Variants in TMC1 observed in about 807,000 individuals in gnomAD.
TMC1 encodes the protein transmembrane channel-like protein 1.
In TMC1, 84 loss-of-function variants were observed where a neutral mutation model predicts 105.8. The observed-to-expected ratio is 0.79, with a 90% CI of 0.67 to 0.95. TMC1 has a LOEUF of 0.95. Ranked by LOEUF, TMC1 falls within the 40% of genes least tolerant of loss-of-function variation. The pLI, the probability that TMC1 is intolerant of heterozygous loss-of-function variation, is 0.00. For missense variants in TMC1, 817 were observed against 914.1 expected, an observed-to-expected ratio of 0.89 and a Z score of 1.37; for synonymous variants, 315 against 311.5, an observed-to-expected ratio of 1.01 and a Z score of -0.12.
chr9:72,542,804 C>T (rs1823700658), intron 1 of TMC1, among the ~76,000 whole-genome samples: 1 of 151,954 alleles, frequency 6.6e-6, no homozygotes, highest in Middle Eastern at 3.4e-3. Flanking sequence ...CTCAGCCTCC[C>T]GAGTAGGTGG....
intron 1 of TMC1, among the ~76,000 whole-genome samples, chr9:72,577,284 A>G (rs1457826630): frequency 1.3e-5 from 2 of 152,134 alleles, no homozygotes; most frequent in East Asian, 3.9e-4. Flanking sequence ...AAATTCTTTA[A>G]TCACTCTGCG....
chr9:72,806,151 G>A (rs530748478), intron 18 of TMC1, among the ~76,000 whole-genome samples: 94 of 150,982 alleles, frequency 6.2e-4, no homozygotes, highest in African/African-American at 2.1e-3. Flanking sequence ...CCTCCCGGGC[G>A]GGGCGGCTGG....
At chr9:72,826,796 A>G (rs995696481) in intron 20 of TMC1, 73 bp from the exon 21 acceptor site, 2 of 1,510,838 alleles carry the variant, frequency 1.3e-6, no homozygotes, top group African/African-American at 2.7e-5. Context: ...AAAGATTTCC[A>G]GTTTTCTTGC....
chr9:72,608,730 C>T lies in TMC1; in HGVS notation c.-305-7638C>T, dbSNP rs1824969452. ...AAAAAAAAAAAAAAAGTAAGTTTTG[C>T]AATTAGGAGACATGCCTATAATGTT... is the stretch of plus-strand genomic sequence containing the variant. On this transcript the variant is annotated intron_variant, in intron 2 of 23. Transcript: ENST00000297784. Among the ~76,000 whole-genome samples the T allele has an allele frequency of 2.0e-5, 3 of 150,226 alleles. No individual in the cohort carries two copies. In the South Asian group the frequency reaches 6.3e-4, roughly 32 times the overall value.
chr9:72,814,950 G>A (rs951663796), intron 18 of TMC1, among the ~76,000 whole-genome samples: 82 of 146,424 alleles, frequency 5.6e-4, no homozygotes, highest in African/African-American at 2.0e-3. Context: ...GTGTGTGTTG[G>A]GGAGGGAGCT....
chr9:72,651,169 A>G (rs189693135), intron 5 of TMC1: 70 of 151,192 alleles, frequency 4.6e-4, no homozygotes, highest in African/African-American at 1.6e-3. Flanking sequence ...TCCAGTTGGG[A>G]CAGAACAAGT....
chr9:72,743,724 A>T (rs1588061029), intron 10 of TMC1, among the ~76,000 whole-genome samples: 2 of 112,038 alleles, frequency 1.8e-5, no homozygotes, highest in East Asian at 3.9e-4. Context: ...GGAAGGAAGG[A>T]AGGAAGGAAG....
chr9:72,804,451 G>C (rs1306065689), intron 17 of TMC1, among the ~76,000 whole-genome samples: 6 of 152,150 alleles, frequency 3.9e-5, no homozygotes, highest in Non-Finnish European at 1.5e-5. Context: ...ACATAGTTAT[G>C]CATCCAGCAT....
chr9:72,638,278 C>T (rs1008832696), intron 4 of TMC1, among the ~76,000 whole-genome samples: 10 of 152,196 alleles, frequency 6.6e-5, no homozygotes, highest in African/African-American at 2.4e-4. Flanking sequence ...ACTCCCCACA[C>T]ACTACAATGT....
At chr9:72,591,163 G>T (rs1339479397) in intron 2 of TMC1, among the ~76,000 whole-genome samples, 2 of 152,132 alleles carry the variant, frequency 1.3e-5, no homozygotes, top group Admixed American at 6.5e-5. Context: ...TTGCCCTGTA[G>T]GTGTTAAGAA....
intron 17 of TMC1, among the ~76,000 whole-genome samples, chr9:72,798,285 A>G (rs1828407414): frequency 6.6e-6 from 1 of 152,198 alleles, no homozygotes; most frequent in South Asian, 2.1e-4. Context: ...AAATAGTTCA[A>G]CCATTGTGGA....
intron 17 of TMC1, among the ~76,000 whole-genome samples, chr9:72,801,643 AG>A (rs1828474092): frequency 6.6e-6 from 1 of 152,198 alleles, no homozygotes; most frequent in African/African-American, 2.4e-5. Flanking sequence ...TATTGATCAA[AG>A]CTGCCCAGGC....
intron 10 of TMC1, among the ~76,000 whole-genome samples, 197 bp from the exon 11 acceptor site, chr9:72,751,653 A>G (rs560839697): frequency 2.0e-5 from 3 of 152,336 alleles, no homozygotes; most frequent in Admixed American, 2.0e-4. Context: ...TACATTCCAC[A>G]TGACAGGGAA....
intron 20 of TMC1, among the ~76,000 whole-genome samples, chr9:72,822,115 G>A (rs1266004076): frequency 2.0e-5 from 3 of 152,170 alleles, no homozygotes; most frequent in Admixed American, 2.0e-4. Context: ...CTGGGATCTG[G>A]AGGATGAAGT....
At chr9:72,710,013 A>T (rs1826810081) in intron 8 of TMC1, among the ~76,000 whole-genome samples, 1 of 152,028 alleles carries the variant, frequency 6.6e-6, no homozygotes, top group African/African-American at 2.4e-5. Context: ...TTTTAGCACC[A>T]CCTTTGATGT....
chr9:72,529,171 G>A (rs1823455397), intron 1 of TMC1, among the ~76,000 whole-genome samples: 1 of 148,628 alleles, frequency 6.7e-6, no homozygotes, highest in African/African-American at 2.5e-5. Context: ...GGGTGGGGCG[G>A]TGGGTGGGTC....
At chr9:72,787,116 T>C (rs1474473887) in intron 13 of TMC1, among the ~76,000 whole-genome samples, 5 of 152,146 alleles carry the variant, frequency 3.3e-5, no homozygotes, top group African/African-American at 4.8e-5. Context: ...CCTTGACTTA[T>C]CTCTGTGGTT....
chr9:72,721,170 C>T (rs1827017540), intron 8 of TMC1, among the ~76,000 whole-genome samples: 1 of 152,154 alleles, frequency 6.6e-6, no homozygotes, highest in South Asian at 2.1e-4. Flanking sequence ...AAGCTCTCTG[C>T]CTCTTCTATT....
chr9:72,580,695 T>C (rs1372034573), intron 2 of TMC1, among the ~76,000 whole-genome samples: 4 of 152,132 alleles, frequency 2.6e-5, no homozygotes, highest in Admixed American at 2.6e-4. Flanking sequence ...GGCATTCTGC[T>C]CCAAGCTTGA....
Sources: allele counts gnomAD v4.1 joint callset (sites outside exome capture counted in the v4.1 genomes callset), GRCh38; gene constraint gnomAD v4.1.1; transcripts MANE v1.5; gene names NCBI Gene and HGNC (gene_info 2026-07-23, HGNC 2026-07-21).